Variants in MROH9 observed in about 807,000 individuals in gnomAD.
MROH9 encodes maestro heat-like repeat-containing protein family member 9.
A neutral mutation model predicts 98.2 loss-of-function variants in MROH9; 92 were observed. The observed-to-expected ratio is 0.94, with a 90% confidence interval of 0.79 to 1.11. MROH9 has a LOEUF of 1.11. Ranked by LOEUF, MROH9 falls within the 50% of genes most tolerant of loss-of-function variation. The pLI, the probability that MROH9 is intolerant of heterozygous loss-of-function variation, is 0.00. For synonymous variants in MROH9, 397 were observed against 368.9 expected, an observed-to-expected ratio of 1.08 and a Z score of -0.87; for missense variants, 1,057 against 1,014.8, an observed-to-expected ratio of 1.04 and a Z score of -0.57.
chr1:171,003,731 G>C (rs1209515695), intron 15 of MROH9, among the ~76,000 whole-genome samples: 2 of 152,198 alleles, frequency 1.3e-5, no homozygotes, highest in Non-Finnish European at 2.9e-5. Flanking sequence ...CCTGGCAGGA[G>C]ATGGTGCTTT....
intron 20 of MROH9, among the ~76,000 whole-genome samples, chr1:171,056,492 T>C (rs1381294518): frequency 6.6e-6 from 1 of 152,184 alleles, no homozygotes; most frequent in Admixed American, 6.5e-5. Context: ...CAGATCTCCC[T>C]GGGCCTGAGC....
rs986842804 is a variant in MROH9, at chr1:170,935,601, T to C, written c.-38+14T>C. ...AGTTACAAATATGTAAGTGAATTCC[T>C]ATTAATATTTCTGTCATTCAAAAGC... On this transcript the variant is annotated intron_variant, in intron 1 of 21. Transcript: ENST00000367759. 1 of 152,228 alleles carries C rather than the reference T, an allele frequency of 6.6e-6. No individual in the cohort carries two copies. Among genetic ancestry groups the C allele is most frequent in the Non-Finnish European group, 1.5e-5 (1 of 68,032 alleles). 9.4% of individuals were successfully genotyped at this position (152,228 alleles called of 1,614,324 possible).
At chr1:170,988,549 G>A (rs1651236042) in intron 10 of MROH9, among the ~76,000 whole-genome samples, 1 of 152,160 alleles carries the variant, frequency 6.6e-6, no homozygotes, top group African/African-American at 2.4e-5. Flanking sequence ...TTCTGCTACA[G>A]TGAAATCTCT....
intron 5 of MROH9, among the ~76,000 whole-genome samples, 171 bp downstream of exon 5, chr1:170,959,768 C>G (rs1257713058): frequency 6.6e-6 from 1 of 152,124 alleles, no homozygotes; most frequent in Non-Finnish European, 1.5e-5. Flanking sequence ...TTCTACAACC[C>G]ATGGGATTTT....
At chr1:170,969,217 A>G (rs185205154) in intron 7 of MROH9, among the ~76,000 whole-genome samples, 91 of 152,294 alleles carry the variant, frequency 6.0e-4, no homozygotes, top group African/African-American at 2.1e-3. Flanking sequence ...AAAATCTAAC[A>G]CACACATATG....
At chr1:170,951,213 G>T (rs1195003815) in intron 3 of MROH9, among the ~76,000 whole-genome samples, 1 of 152,008 alleles carries the variant, frequency 6.6e-6, no homozygotes, top group Non-Finnish European at 1.5e-5. Context: ...AAAGTGCACA[G>T]AAAATTTAGA....
intron 20 of MROH9, among the ~76,000 whole-genome samples, chr1:171,054,797 A>T (rs757916329): frequency 5.9e-5 from 9 of 152,240 alleles, no homozygotes; most frequent in Non-Finnish European, 8.8e-5. Flanking sequence ...TCAGAACCAC[A>T]ATATGATACC....
chr1:170,995,516 T>C lies in MROH9; in HGVS notation c.1322T>C (p.Leu441Pro). ...VFYNSELKPI[L>P]KDRALYAQDA... ...TACAACAGTGAGCTGAAACCGATAC[T>C]CAAGGACAGGGCTTTGTGAGTTAAA... Residue 441 changes from leucine to proline, a missense_variant, in exon 13 of 22, where the codon CTC (leucine) becomes CCC (proline). By Grantham distance (98) the Leu-to-Pro change is moderately conservative (BLOSUM62 -3). Transcript: ENST00000367759. 6.2e-7 allele frequency: 1 copy of C among 1,613,186 alleles called. No homozygotes were observed. Among genetic ancestry groups the C allele is most frequent in the Non-Finnish European group, 8.5e-7 (1 of 1,179,458 alleles).
In MROH9 at chr1:171,016,255, A is replaced by G. The variant is rs1203140334; in HGVS notation, c.1827A>G (p.Arg609=). The part of the protein sequence containing the change: ...NVVLQALLTL[R]RLLNELDKVT... Reference sequence around the variant, plus strand: ...TACTTCAGGCCTTGCTCACCCTTAGAAGGCTTTTAAACGAACTGGACAAAG... The same window carrying G: ...TACTTCAGGCCTTGCTCACCCTTAGGAGGCTTTTAAACGAACTGGACAAAG... The change falls in exon 17 of 22, where the codon AGA becomes AGG. Residue 609 remains arginine, a synonymous_variant. Transcript: ENST00000367759. The G allele has an allele frequency of 6.5e-7, 1 of 1,540,706 alleles. No individual in the cohort carries two copies.
intron 8 of MROH9, among the ~76,000 whole-genome samples, chr1:170,982,006 T>A (rs1006318864): frequency 2.0e-5 from 3 of 152,206 alleles, no homozygotes; most frequent in Non-Finnish European, 4.4e-5. Flanking sequence ...TAAAATGGTA[T>A]AACAACTTTG....
At chr1:170,997,976 G>C (rs1032390720) in intron 14 of MROH9, among the ~76,000 whole-genome samples, 178 bp from the exon 15 acceptor site, 1 of 152,160 alleles carries the variant, frequency 6.6e-6, no homozygotes, top group Non-Finnish European at 1.5e-5. Context: ...CAGGGATCCA[G>C]TTATATGTAA....
chr1:171,003,944 G>A (rs868006379), intron 15 of MROH9, among the ~76,000 whole-genome samples: 3 of 152,142 alleles, frequency 2.0e-5, no homozygotes, highest in Non-Finnish European at 4.4e-5. Flanking sequence ...GGGGGTGAGA[G>A]TCCCAAGTCA....
At chr1:170,943,232 G>C (rs755398583) in intron 1 of MROH9, among the ~76,000 whole-genome samples, 15 of 151,816 alleles carry the variant, frequency 9.9e-5, no homozygotes, top group Non-Finnish European at 1.9e-4. Flanking sequence ...TTTCAAAGTA[G>C]ATATATAAGA....
At chr1:171,016,137 C>A in intron 16 of MROH9, 26 bp from the exon 17 acceptor site, 1 of 1,395,924 alleles carries the variant, frequency 7.2e-7, no homozygotes, top group South Asian at 1.8e-5. Context: ...TTCCTAAATC[C>A]CACCATTTTT....
intron 3 of MROH9, among the ~76,000 whole-genome samples, chr1:170,948,517 CTCAA>C (rs796994785): frequency 4.1e-4 from 62 of 152,126 alleles, no homozygotes; most frequent in Middle Eastern, 3.4e-3. Flanking sequence ...ATTACACTCA[CTCAA>C]TCACTCATTC....
intron 20 of MROH9, among the ~76,000 whole-genome samples, chr1:171,060,078 G>A (rs560985307): frequency 1.5e-4 from 23 of 150,906 alleles, no homozygotes; most frequent in African/African-American, 5.1e-4. Flanking sequence ...TGACAGGTGC[G>A]CCAAAATCTC....
chr1:170,949,403 G>C (rs1398064294), intron 3 of MROH9, among the ~76,000 whole-genome samples: 1 of 151,970 alleles, frequency 6.6e-6, no homozygotes, highest in Non-Finnish European at 1.5e-5. Context: ...TGGATGGAGA[G>C]GTAAGCACAG....
intron 1 of MROH9, among the ~76,000 whole-genome samples, chr1:170,938,730 C>T (rs976183925): frequency 2.0e-5 from 3 of 152,222 alleles, no homozygotes; most frequent in African/African-American, 7.2e-5. Flanking sequence ...AATCCATATC[C>T]AGGGTAAGTG....
chr1:171,012,768 G>A (rs986755479), intron 15 of MROH9, among the ~76,000 whole-genome samples: 29 of 152,192 alleles, frequency 1.9e-4, no homozygotes, highest in African/African-American at 6.7e-4. Context: ...CTCCCAAAGC[G>A]CTGGGATTAC....
Sources: allele counts gnomAD v4.1 joint callset (sites outside exome capture counted in the v4.1 genomes callset), GRCh38; gene constraint gnomAD v4.1.1; transcripts MANE v1.5; gene names NCBI Gene and HGNC (gene_info 2026-07-23, HGNC 2026-07-21).